SHISA9: variants seen among roughly 807,000 people sequenced by gnomAD.
SHISA9 encodes shisa family member 9.
In SHISA9, 13 loss-of-function variants were observed where a neutral mutation model predicts 38.0. That is an observed-to-expected ratio of 0.34 (90% CI 0.22 to 0.54). The LOEUF (loss-of-function observed/expected upper bound fraction) is 0.54. Among genes scored for constraint, SHISA9 ranks in the 20% least tolerant of loss-of-function variants. The pLI, the probability that SHISA9 is intolerant of heterozygous loss-of-function variation, is 0.91. For missense variants in SHISA9, 538 were observed against 575.8 expected (o/e 0.93, Z 0.67); for synonymous variants, 275 against 242.0 (o/e 1.14, Z -1.27).
At chr16:13,271,045 G>C in the SHISA9 span, among the ~76,000 whole-genome samples, 1 of 152,166 alleles carries the variant, frequency 6.6e-6, no homozygotes, top group African/African-American at 2.4e-5. Flanking sequence ...ACTGACCACT[G>C]ACCTCAGACC....
At chr16:13,432,029 G>A in the SHISA9 span, among the ~76,000 whole-genome samples, 1 of 152,296 alleles carries the variant, frequency 6.6e-6, no homozygotes, top group African/African-American at 2.4e-5. Context: ...CCGTTGCACT[G>A]GAGCCTGGTT....
At chr16:13,446,756 C>T in the SHISA9 span, among the ~76,000 whole-genome samples, 2 of 151,972 alleles carry the variant, frequency 1.3e-5, no homozygotes, top group Non-Finnish European at 1.5e-5. Context: ...GCGGGTGGAT[C>T]ACTTGAGACC....
At chr16:12,910,842 ACAGG>A in intron 1 of SHISA9, 1 of 576,848 alleles carries the variant, frequency 1.7e-6, no homozygotes, top group Non-Finnish European at 2.2e-6. Context: ...CTGAAGGCCG[ACAGG>A]CAGGAGAATT....
chr16:13,495,953 C>T, the SHISA9 span, among the ~76,000 whole-genome samples: 1 of 152,058 alleles, frequency 6.6e-6, no homozygotes, highest in Non-Finnish European at 1.5e-5. Context: ...AAAGATTCAG[C>T]ATACCACTAG....
chr16:13,209,477 G>A (rs992085360), intron 3 of SHISA9, among the ~76,000 whole-genome samples: 4 of 152,024 alleles, frequency 2.6e-5, no homozygotes, highest in Non-Finnish European at 5.9e-5. Context: ...CCATCTTCAG[G>A]GTGGACAATA....
At chr16:13,560,478 C>T in the SHISA9 span, among the ~76,000 whole-genome samples, 11 of 152,076 alleles carry the variant, frequency 7.2e-5, no homozygotes, top group African/African-American at 2.7e-4. Flanking sequence ...GGAATGAATA[C>T]CAAGAAACAA....
the SHISA9 span, among the ~76,000 whole-genome samples, chr16:13,480,011 A>T: frequency 6.6e-6 from 1 of 152,196 alleles, no homozygotes; most frequent in South Asian, 2.1e-4. Context: ...CATATTACTT[A>T]ACCTCTCTGT....
the SHISA9 span, among the ~76,000 whole-genome samples, chr16:13,284,695 T>C: frequency 6.6e-6 from 1 of 152,194 alleles, no homozygotes; most frequent in Admixed American, 6.5e-5. Flanking sequence ...CCTCCTGGGT[T>C]CAAGCTGTTC....
rs1485598436 is a variant in SHISA9 at position 13,235,137 on chromosome 16, G to A, written c.1003G>A (p.Ala335Thr). The A allele has an allele frequency of 6.4e-7, 1 of 1,551,560 alleles. No homozygotes were observed. Among genetic ancestry groups the A allele is most frequent in the African/African-American group, 1.4e-5 (1 of 73,022 alleles). Reference protein sequence around the residue: ...HPVRVEDEPRAFSPEHGPAKQ... With the variant: ...HPVRVEDEPRTFSPEHGPAKQ... The stretch of plus-strand genomic sequence containing the variant: ...CGTAAGAGTGGAGGACGAGCCCCGG[G>A]CCTTCAGCCCTGAGCACGGTCCTGC... The change falls in exon 5 of 5, where the codon GCC becomes ACC. Residue 335 changes from alanine to threonine, a missense_variant. Physicochemically the swap from Ala to Thr is moderately conservative, Grantham distance 58 (BLOSUM62 0). This residue lies in a region of SHISA9 where 326 missense variants were observed against 305.9 expected (regional missense o/e 1.07). Coordinates refer to ENST00000558583, the MANE Select transcript of SHISA9 (RefSeq NM_001145204.3).
intron 2 of SHISA9, among the ~76,000 whole-genome samples, chr16:12,940,099 G>T (rs769736594): frequency 1.3e-5 from 2 of 152,194 alleles, no homozygotes; most frequent in Non-Finnish European, 2.9e-5. Context: ...CCCTGCTGGG[G>T]AGGAGAGAAT....
chr16:13,299,975 G>A, the SHISA9 span, among the ~76,000 whole-genome samples: 3 of 152,138 alleles, frequency 2.0e-5, no homozygotes, highest in Non-Finnish European at 4.4e-5. Context: ...AGGTAGGAGT[G>A]TGGTTGCTCA....
intron 2 of SHISA9, among the ~76,000 whole-genome samples, chr16:13,106,966 TTCTCTCTCTC>T (rs56109043): frequency 0.031 from 4,503 of 145,250 alleles, 224 homozygotes; most frequent in African/African-American, 0.1. Context: ...CTTTCTCACG[TTCTCTCTCTC>T]TCTCTCTCTC....
rs908292344 is a variant in SHISA9, at chr16:13,197,156, T to TATAG, written c.692-6237_692-6236insTAGA. Among the ~76,000 whole-genome samples, 95 of 141,384 alleles carry TATAG rather than the reference T, an allele frequency of 6.7e-4. 1 individual carries two copies. The highest frequency in any genetic ancestry group is 1.9e-3 in the African/African-American group (74 of 38,790). 92.8% of individuals were successfully genotyped at this position (141,384 alleles called of 152,430 possible). ...ACACACATATATGTGTATATATATA[T>TATAG]AGAGAGAGAGAGAGAGAGAGAGAGA... is the stretch of plus-strand genomic sequence containing the variant. On this transcript the variant is annotated intron_variant, in intron 2 of 4. Transcript: ENST00000558583.
the SHISA9 span, among the ~76,000 whole-genome samples, chr16:13,287,403 A>G: frequency 6.6e-6 from 1 of 152,220 alleles, no homozygotes; most frequent in Admixed American, 6.5e-5. Flanking sequence ...GATAATGATA[A>G]TACTCTCCCA....
intron 2 of SHISA9, among the ~76,000 whole-genome samples, chr16:13,104,349 C>T (rs1025934664): frequency 6.6e-6 from 1 of 151,996 alleles, no homozygotes; most frequent in Non-Finnish European, 1.5e-5. Flanking sequence ...CCCTCCTAGG[C>T]ATCCACCCAA....
chr16:12,914,809 G>T (rs1245072571), intron 1 of SHISA9, among the ~76,000 whole-genome samples: 1 of 152,212 alleles, frequency 6.6e-6, no homozygotes, highest in African/African-American at 2.4e-5. Context: ...AGGTTGCTGG[G>T]TGAACTCCAC....
chr16:13,279,901 G>A, the SHISA9 span, among the ~76,000 whole-genome samples: 1 of 151,830 alleles, frequency 6.6e-6, no homozygotes, highest in Non-Finnish European at 1.5e-5. Context: ...TTGTTAGGAT[G>A]TATAGGTTTT....
the SHISA9 span, among the ~76,000 whole-genome samples, chr16:13,504,077 C>T: frequency 3.5e-3 from 532 of 152,270 alleles, 6 homozygotes; most frequent in Non-Finnish European, 2.2e-3. Flanking sequence ...TCAAAATGAG[C>T]ATTGGCTTTA....
At chr16:13,464,190 C>T in the SHISA9 span, among the ~76,000 whole-genome samples, 1 of 152,122 alleles carries the variant, frequency 6.6e-6, no homozygotes, top group Non-Finnish European at 1.5e-5. Flanking sequence ...GGAAGCTTTC[C>T]AGGTAAGTGT....
Sources: allele counts gnomAD v4.1 joint callset (sites outside exome capture counted in the v4.1 genomes callset), GRCh38; gene constraint gnomAD v4.1.1; regional missense constraint gnomAD v4.1.1; transcripts MANE v1.5; gene names NCBI Gene and HGNC (gene_info 2026-07-23, HGNC 2026-07-21).